Variants in AMD1 observed in about 807,000 individuals in gnomAD.
AMD1 encodes the protein adenosylmethionine decarboxylase 1.
Under a neutral mutation model 40.2 loss-of-function variants are expected in AMD1, and 11 were observed. The observed-to-expected ratio is 0.27, with a 90% CI of 0.17 to 0.45. The LOEUF (loss-of-function observed/expected upper bound fraction) is 0.45. AMD1 is among the 20% of genes least tolerant of loss of function. AMD1 has a pLI of 1.00. For synonymous variants in AMD1, 121 were observed against 130.8 expected (o/e 0.93, Z 0.51); for missense variants, 257 against 410.2 (o/e 0.63, Z 3.23).
Position 110,893,038 on chromosome 6 carries a change from A to G in AMD1, c.837A>G (p.Lys279=), listed in dbSNP as rs1201028485. 3.7e-6 allele frequency: 6 copies of G among 1,609,152 alleles called. No homozygotes were observed. The highest frequency in any genetic ancestry group is 5.1e-6 in the Non-Finnish European group (6 of 1,178,154). The change falls in exon 8 of 9, where the codon AAA becomes AAG. Residue 279 remains lysine (K), a synonymous_variant. Transcript: ENST00000368885. ...TTGTAGAAGTCTTCAAGCCAGGAAA[A>G]TTTGTGACCACCTTGTTTGTTAATC... is the stretch of plus-strand genomic sequence containing the variant. ...RKVVEVFKPG[K]FVTTLFVNQS...
chr6:110,832,300 C>T, the AMD1 span, among the ~76,000 whole-genome samples: 1 of 151,648 alleles, frequency 6.6e-6, no homozygotes, highest in Non-Finnish European at 1.5e-5. Context: ...CCACCGTGCC[C>T]AGCCCATGCC....
At chr6:110,873,196 C>G (rs941466113), upstream of AMD1, among the ~76,000 whole-genome samples, 1 of 152,154 alleles carries the variant, frequency 6.6e-6, no homozygotes, top group Admixed American at 6.5e-5. Context: ...GAAACCTCGT[C>G]TCTACTAAAA....
chr6:110,875,539 C>T, intron 1 of AMD1: 1 of 234,068 alleles, frequency 4.3e-6, no homozygotes, highest in Non-Finnish European at 8.2e-6. Flanking sequence ...GCGGCCCGCG[C>T]CTCCCGACAT....
the AMD1 span, among the ~76,000 whole-genome samples, chr6:110,842,163 G>T: frequency 6.6e-6 from 1 of 152,156 alleles, no homozygotes; most frequent in Non-Finnish European, 1.5e-5. Flanking sequence ...CTATTGATAG[G>T]AGACAAGAGA....
the AMD1 span, chr6:110,814,793 G>C: frequency 6.4e-5 from 44 of 684,318 alleles, no homozygotes; most frequent in African/African-American, 6.3e-4. Flanking sequence ...GCCTCGGACC[G>C]GGCTGCGCCG....
intron 1 of AMD1, among the ~76,000 whole-genome samples, chr6:110,883,442 G>C (rs958065129): frequency 6.6e-6 from 1 of 152,206 alleles, no homozygotes; most frequent in Non-Finnish European, 1.5e-5. Context: ...CCTCTGCAAA[G>C]AAAGAATGAG....
chr6:110,889,073 C>T lies in AMD1; in HGVS notation c.324+90C>T, dbSNP rs9400424. ...CGAAGTAAATAAATTTATATACTTACTGCCTTTGTTACAATGCATGCAAAC... is the reference window on the plus strand; with the variant it reads ...CGAAGTAAATAAATTTATATACTTATTGCCTTTGTTACAATGCATGCAAAC... On this transcript the variant is annotated intron_variant, in intron 3 of 8. Coordinates refer to ENST00000368885, the MANE Select transcript of AMD1 (RefSeq NM_001634.6). 426 of 1,479,002 alleles carry T rather than the reference C, an allele frequency of 2.9e-4. 2 individuals are homozygous for T. The East Asian group carries it at 7.9e-3, about 28-fold the overall frequency. 91.6% of individuals were successfully genotyped at this position (1,479,002 alleles called of 1,614,324 possible). A position where few individuals can be genotyped will look rare whatever the true frequency, so the allele number is the denominator to read the frequency against.
At chr6:110,892,696 G>A (rs768332312) in intron 6 of AMD1, 39 bp from the exon 7 acceptor site, 5 of 1,593,120 alleles carry the variant, frequency 3.1e-6, no homozygotes, top group Non-Finnish European at 3.4e-6. Context: ...AAGTTTATTT[G>A]TCAAACCCTT....
the AMD1 span, among the ~76,000 whole-genome samples, chr6:110,861,639 C>G: frequency 2.0e-5 from 3 of 151,860 alleles, no homozygotes; most frequent in South Asian, 2.1e-4. Context: ...GTGAGGAGCT[C>G]GAGACCAGCC....
the AMD1 span, among the ~76,000 whole-genome samples, chr6:110,824,144 A>G: frequency 6.6e-6 from 1 of 152,222 alleles, no homozygotes; most frequent in Non-Finnish European, 1.5e-5. Flanking sequence ...ATAATTCACA[A>G]TTACAAAGAT....
At chr6:110,838,729 G>A in the AMD1 span, among the ~76,000 whole-genome samples, 16 of 151,716 alleles carry the variant, frequency 1.1e-4, no homozygotes, top group Non-Finnish European at 1.8e-4. Flanking sequence ...CATGGTGGCA[G>A]GTGCATGTAA....
the AMD1 span, among the ~76,000 whole-genome samples, chr6:110,847,418 G>A: frequency 6.6e-6 from 1 of 151,782 alleles, no homozygotes; most frequent in East Asian, 2.0e-4. Context: ...TCAGCTACTC[G>A]GGAGGCTGAG....
At chr6:110,892,005 G>C (rs1044917367) in intron 4 of AMD1, 156 bp from the exon 5 acceptor site, 95 of 862,786 alleles carry the variant, frequency 1.1e-4, no homozygotes, top group Non-Finnish European at 1.7e-4. Context: ...AAAAGGGGTG[G>C]GATTATAGAC....
intron 1 of AMD1, among the ~76,000 whole-genome samples, chr6:110,881,890 C>G (rs1785427126): frequency 6.6e-6 from 1 of 152,016 alleles, no homozygotes; most frequent in Admixed American, 6.6e-5. Context: ...ATCAGTATTA[C>G]GTGAGCTGTA....
chr6:110,819,344 C>T, the AMD1 span, among the ~76,000 whole-genome samples: 7 of 152,028 alleles, frequency 4.6e-5, no homozygotes, highest in African/African-American at 1.2e-4. Context: ...GCAACAAGAT[C>T]GAAACTCTGT....
At chr6:110,861,707 T>G in the AMD1 span, among the ~76,000 whole-genome samples, 1 of 151,074 alleles carries the variant, frequency 6.6e-6, no homozygotes, top group Non-Finnish European at 1.5e-5. Flanking sequence ...CCAGGCGTGG[T>G]GGTACATGCC....
the AMD1 span, among the ~76,000 whole-genome samples, chr6:110,818,895 G>GT: frequency 6.6e-6 from 1 of 152,158 alleles, no homozygotes; most frequent in Non-Finnish European, 1.5e-5. Flanking sequence ...TCAAATGAAA[G>GT]TTTTTTTCTT....
chr6:110,874,059 G>A (rs1784971409), upstream of AMD1, among the ~76,000 whole-genome samples: 1 of 152,240 alleles, frequency 6.6e-6, no homozygotes, highest in African/African-American at 2.4e-5. Context: ...CAGCCAATTC[G>A]GAGGCATGGC....
At chr6:110,829,068 G>T in the AMD1 span, among the ~76,000 whole-genome samples, 1 of 152,018 alleles carries the variant, frequency 6.6e-6, no homozygotes, top group African/African-American at 2.4e-5. Context: ...TACTTGGGAG[G>T]CTGAGGCAGG....
Sources: gnomAD v4.1 joint callset for allele counts (sites outside exome capture counted in the v4.1 genomes callset) on GRCh38, gnomAD v4.1.1 for gene constraint, MANE v1.5 for transcripts, NCBI Gene and HGNC (gene_info 2026-07-23, HGNC 2026-07-21) for gene names.